PREX1: variants seen among roughly 807,000 people sequenced by gnomAD.
The protein encoded by PREX1 is phosphatidylinositol-3,4,5-trisphosphate dependent Rac exchange factor 1, also known as phosphatidylinositol 3,4,5-trisphosphate-dependent Rac exchanger 1 protein.
PREX1 carries 41 observed loss-of-function variants against 198.3 expected under a neutral mutation model. That is an observed-to-expected ratio of 0.21 (90% CI 0.16 to 0.27). PREX1 has a LOEUF of 0.27. Among genes scored for constraint, PREX1 ranks in the 10% least tolerant of loss-of-function variants. The pLI, the probability that PREX1 is intolerant of heterozygous loss-of-function variation, is 1.00. For missense variants in PREX1, 1,620 were observed against 2,200.7 expected, an observed-to-expected ratio of 0.74 and a Z score of 5.28; for synonymous variants, 843 against 887.2, an observed-to-expected ratio of 0.95 and a Z score of 0.89.
chr20:48,661,468 T>TATATATATACATATACAC (rs1373152651), intron 15 of PREX1, among the ~76,000 whole-genome samples: 1 of 76,806 alleles, frequency 1.3e-5, no homozygotes, highest in African/African-American at 1.0e-4. Context: ...TATATATATA[T>TATATATATACATATACAC]ACACACACAT....
chr20:48,826,455 A>ATATCC (rs2090509286), intron 1 of PREX1, among the ~76,000 whole-genome samples: 1 of 152,158 alleles, frequency 6.6e-6, no homozygotes, highest in Admixed American at 6.5e-5. Flanking sequence ...GGGGTTTAGA[A>ATATCC]CACCAGCTGG....
At chr20:48,797,431 C>G (rs1214614739) in intron 1 of PREX1, among the ~76,000 whole-genome samples, 1 of 150,856 alleles carries the variant, frequency 6.6e-6, no homozygotes, top group Non-Finnish European at 1.5e-5. Context: ...GAGCTGGGAA[C>G]AATATCCCCT....
the PREX1 span, among the ~76,000 whole-genome samples, chr20:48,858,317 A>G: frequency 6.6e-6 from 1 of 152,222 alleles, no homozygotes; most frequent in African/African-American, 2.4e-5. Context: ...TGACTCCCAC[A>G]GCCCTGATTT....
At chr20:48,655,474 C>T (rs769175599) in intron 18 of PREX1, 99 bp from the exon 19 acceptor site, 9 of 1,084,508 alleles carry the variant, frequency 8.3e-6, no homozygotes, top group Non-Finnish European at 1.2e-5. Flanking sequence ...GCCTTGGAAA[C>T]ACTGGGAAAA....
chr20:48,694,969 A>G (rs1181976845), intron 7 of PREX1, among the ~76,000 whole-genome samples: 2 of 152,198 alleles, frequency 1.3e-5, no homozygotes, highest in East Asian at 3.8e-4. Context: ...GTGTGTGTAT[A>G]CACACACATA....
chr20:48,743,040 C>T (rs187525571), intron 3 of PREX1, among the ~76,000 whole-genome samples: 266 of 152,244 alleles, frequency 1.7e-3, no homozygotes, highest in African/African-American at 5.6e-3. Flanking sequence ...GGAAGCAGGC[C>T]GGAGTAACAC....
chr20:48,643,413 G>A (rs1203798041), intron 27 of PREX1, among the ~76,000 whole-genome samples: 1 of 151,828 alleles, frequency 6.6e-6, no homozygotes, highest in East Asian at 1.9e-4. Flanking sequence ...AGGTTGCAGT[G>A]AGCTGAGATC....
At chr20:48,775,781 C>T (rs1158378889) in intron 1 of PREX1, among the ~76,000 whole-genome samples, 1 of 152,188 alleles carries the variant, frequency 6.6e-6, no homozygotes, top group East Asian at 1.9e-4. Flanking sequence ...ATGTGACTTG[C>T]TCCTCCTTGC....
chr20:48,659,855 C>T (rs531099615), intron 16 of PREX1, 64 bp downstream of exon 16: 1,156 of 1,603,810 alleles, frequency 7.2e-4, no homozygotes, highest in Non-Finnish European at 9.6e-4. Flanking sequence ...CAGAAGGTCG[C>T]CCAGCTCCCA....
intron 33 of PREX1, among the ~76,000 whole-genome samples, chr20:48,633,532 A>G (rs1438711481): frequency 6.6e-6 from 1 of 152,232 alleles, no homozygotes; most frequent in Admixed American, 6.5e-5. Flanking sequence ...TTAAACCCAC[A>G]TGCCTCAGAA....
chr20:48,629,724 G>A (rs2089299337), intron 36 of PREX1, 103 bp from the exon 37 acceptor site: 9 of 1,302,502 alleles, frequency 6.9e-6, no homozygotes, highest in Non-Finnish European at 8.6e-6. Flanking sequence ...TAATCCAGCT[G>A]TTCCTGCAGC....
chr20:48,653,476 C>T lies in PREX1; in HGVS notation c.2231G>A (p.Gly744Glu). 1 of 1,612,666 alleles carries T rather than the reference C, an allele frequency of 6.2e-7. No individual in the cohort carries two copies. The highest frequency in any genetic ancestry group is 8.5e-7 in the Non-Finnish European group (1 of 1,179,358). ...VGRGSEAMAA[G>E]LCAGQCILKV... ...CAGAATGCACTGACCAGCACAGAGC[C>T]CTGCAGCCATGGCCTCAGAGCCTAA... The change falls in exon 20 of 40, where the codon GGG (glycine) becomes GAG (glutamate). Residue 744 changes from glycine (G) to glutamate (E), a missense_variant. Physicochemically the swap from Gly to Glu is moderately conservative, Grantham distance 98 (BLOSUM62 -2). Transcript: ENST00000371941.
At chr20:48,847,364 T>TTAAAAAAAAAAAAA in the PREX1 span, among the ~76,000 whole-genome samples, 1 of 77,232 alleles carries the variant, frequency 1.3e-5, no homozygotes, top group Non-Finnish European at 2.6e-5. Context: ...CCTTCTCTTA[T>TTAAAAAAAAAAAAA]AAAAAAAAAA....
chr20:48,766,330 T>A (rs1206674930), intron 1 of PREX1, among the ~76,000 whole-genome samples: 2 of 151,970 alleles, frequency 1.3e-5, no homozygotes. Flanking sequence ...CATCCCTGGG[T>A]GGAGTGACAC....
chr20:48,865,537 A>C, the PREX1 span, among the ~76,000 whole-genome samples: 3 of 152,230 alleles, frequency 2.0e-5, no homozygotes, highest in South Asian at 6.2e-4. Flanking sequence ...TGATTGTTAC[A>C]AAAGAAACAA....
chr20:48,874,708 C>A, the PREX1 span, among the ~76,000 whole-genome samples: 2 of 151,866 alleles, frequency 1.3e-5, no homozygotes, highest in Non-Finnish European at 2.9e-5. Flanking sequence ...AAAACCCGGT[C>A]TCTACTAAAA....
chr20:48,681,585 TGGAA>T (rs982815902), intron 10 of PREX1, among the ~76,000 whole-genome samples: 87 of 150,424 alleles, frequency 5.8e-4, no homozygotes, highest in African/African-American at 1.7e-3. Context: ...CATGGATGGA[TGGAA>T]GGAAGGAAGG....
chr20:48,649,705 A>T (rs1407430347), intron 24 of PREX1, 129 bp from the exon 25 acceptor site: 2 of 1,162,848 alleles, frequency 1.7e-6, no homozygotes, highest in Admixed American at 2.8e-5. Context: ...AAATACTCTT[A>T]ATTCATTCAG....
intron 7 of PREX1, among the ~76,000 whole-genome samples, chr20:48,695,235 T>G (rs1405536351): frequency 6.6e-6 from 1 of 152,210 alleles, no homozygotes; most frequent in Non-Finnish European, 1.5e-5. Context: ...TGCCTGTTTT[T>G]GAACTTTACA....
Sources: gnomAD v4.1 joint callset for allele counts (sites outside exome capture counted in the v4.1 genomes callset) on GRCh38, gnomAD v4.1.1 for gene constraint, MANE v1.5 for transcripts, NCBI Gene and HGNC (gene_info 2026-07-23, HGNC 2026-07-21) for gene names.